PFDN4: variants seen among roughly 807,000 people sequenced by gnomAD.
PFDN4 encodes the protein prefoldin subunit 4, also known as prefoldin 4.
Under a neutral mutation model 17.6 loss-of-function variants are expected in PFDN4, and 6 were observed. The observed-to-expected ratio is 0.34, with a 90% CI of 0.19 to 0.67. The LOEUF (loss-of-function observed/expected upper bound fraction) is 0.67, where lower values mean the gene tolerates loss of function less well. Ranked by LOEUF, PFDN4 falls within the 30% of genes least tolerant of loss-of-function variation. The probability of loss-of-function intolerance (pLI) is 0.68; values close to 1 mark genes in which losing one functional copy is unlikely to be tolerated. For missense variants in PFDN4, 119 were observed against 158.4 expected, an observed-to-expected ratio of 0.75 and a Z score of 1.33; for synonymous variants, 48 against 51.1, an observed-to-expected ratio of 0.94 and a Z score of 0.26.
chr20:54,209,754 T>C (rs1022755189), intron 1 of PFDN4, among the ~76,000 whole-genome samples: 3 of 152,222 alleles, frequency 2.0e-5, no homozygotes, highest in Non-Finnish European at 4.4e-5. Context: ...GCAAAATTTC[T>C]AATTACCAAC....
intron 3 of PFDN4, among the ~76,000 whole-genome samples, chr20:54,217,098 A>G (rs2092763549): frequency 6.6e-6 from 1 of 152,188 alleles, no homozygotes; most frequent in African/African-American, 2.4e-5. Context: ...CATATAGTCT[A>G]GATGGAAAGA....
intron 1 of PFDN4, among the ~76,000 whole-genome samples, chr20:54,212,325 TG>T (rs1236814765): frequency 7.9e-5 from 12 of 152,338 alleles, no homozygotes; most frequent in African/African-American, 2.9e-4. Flanking sequence ...TACTGTCTGC[TG>T]TAAATGGCAC....
At chr20:54,214,324 T>C (rs745957519) in intron 1 of PFDN4, 27 bp from the exon 2 acceptor site, 42 of 1,286,106 alleles carry the variant, frequency 3.3e-5, no homozygotes, top group South Asian at 1.3e-5. Context: ...CGTTAAAATT[T>C]TACAAAAACT....
chr20:54,213,588 T>C (rs1420689513), intron 1 of PFDN4, among the ~76,000 whole-genome samples: 1 of 152,184 alleles, frequency 6.6e-6, no homozygotes, highest in African/African-American at 2.4e-5. Context: ...ATCTGTAAAA[T>C]AGTGCTGGTG....
intron 3 of PFDN4, among the ~76,000 whole-genome samples, 174 bp from the exon 4 acceptor site, chr20:54,218,845 A>G (rs113863280): frequency 1.3e-5 from 2 of 152,380 alleles, no homozygotes; most frequent in African/African-American, 4.8e-5. Flanking sequence ...GATATGGACC[A>G]TGAATTAAAA....
At chr20:54,213,018 CTG>C (rs1055051040) in intron 1 of PFDN4, among the ~76,000 whole-genome samples, 1 of 152,214 alleles carries the variant, frequency 6.6e-6, no homozygotes, top group Admixed American at 6.5e-5. Context: ...AAGGGGAGGA[CTG>C]TGTTATATTC....
rs1418505158 is a variant in PFDN4 at position 54,215,315 on chromosome 20, C to T, written c.148C>T (p.Leu50=). ...IEVKKKQLQN[L]EDACDDIMLA... ...GCATTTATAGAAACAACTCCAAAAC[C>T]TAGAAGATGCTTGTGATGACATCAT... The change falls in exon 3 of 4, where the codon CTA becomes TTA. Residue 50 remains leucine, a synonymous_variant. Coordinates refer to ENST00000371419, the MANE Select transcript of PFDN4 (RefSeq NM_002623.4). 2 of 1,586,662 alleles carry T rather than the reference C, an allele frequency of 1.3e-6. No homozygotes were observed. Among genetic ancestry groups the T allele is most frequent in the Admixed American group, 1.7e-5 (1 of 57,940 alleles).
At chr20:54,215,210 T>C in intron 2 of PFDN4, 90 bp from the exon 3 acceptor site, 1 of 868,172 alleles carries the variant, frequency 1.2e-6, no homozygotes. Context: ...AGAGGGTCCC[T>C]CAGAGAGTTG....
At chr20:54,214,287 A>G in intron 1 of PFDN4, 64 bp from the exon 2 acceptor site, 1 of 816,052 alleles carries the variant, frequency 1.2e-6, no homozygotes, top group East Asian at 2.6e-5. Context: ...TTGTTGAGAA[A>G]TATAAAAAGC....
intron 1 of PFDN4, among the ~76,000 whole-genome samples, chr20:54,211,313 C>T (rs2092755523): frequency 6.6e-6 from 1 of 152,188 alleles, no homozygotes; most frequent in African/African-American, 2.4e-5. Flanking sequence ...GATATTAGTT[C>T]TCAAGAAAAG....
At chr20:54,210,619 A>C (rs1048048610) in intron 1 of PFDN4, among the ~76,000 whole-genome samples, 1 of 152,092 alleles carries the variant, frequency 6.6e-6, no homozygotes, top group Non-Finnish European at 1.5e-5. Context: ...CTGCACTTTG[A>C]TTTCTGTTCA....
chr20:54,218,372 A>C (rs908355381), intron 3 of PFDN4, among the ~76,000 whole-genome samples: 1 of 151,992 alleles, frequency 6.6e-6, no homozygotes, highest in East Asian at 1.9e-4. Flanking sequence ...TAATTGTATA[A>C]ATTTATGGTG....
chr20:54,212,650 G>C (rs753061401), intron 1 of PFDN4, among the ~76,000 whole-genome samples: 9 of 152,260 alleles, frequency 5.9e-5, no homozygotes, highest in Non-Finnish European at 1.2e-4. Context: ...GAATGGCTCT[G>C]TTGAGCCCTC....
At chr20:54,215,239 T>G in intron 2 of PFDN4, 61 bp from the exon 3 acceptor site, 5 of 1,263,798 alleles carry the variant, frequency 4.0e-6, no homozygotes, top group Non-Finnish European at 5.5e-6. Context: ...AAATTACAAT[T>G]GGCCTTTAGC....
At chr20:54,213,978 A>G (rs1375355911) in intron 1 of PFDN4, among the ~76,000 whole-genome samples, 1 of 152,112 alleles carries the variant, frequency 6.6e-6, no homozygotes, top group Non-Finnish European at 1.5e-5. Context: ...ACATTTACCA[A>G]TATATTTGAC....
chr20:54,209,413 G>A (rs1227356207), intron 1 of PFDN4, among the ~76,000 whole-genome samples: 1 of 152,140 alleles, frequency 6.6e-6, no homozygotes, highest in Admixed American at 6.5e-5. Context: ...CCTTTTATAT[G>A]AAATTGAGGG....
chr20:54,216,738 C>T (rs2092763025), intron 3 of PFDN4, among the ~76,000 whole-genome samples: 1 of 152,086 alleles, frequency 6.6e-6, no homozygotes, highest in Non-Finnish European at 1.5e-5. Context: ...CTCACTGCAA[C>T]GTCTGCCTCC....
chr20:54,217,466 AG>A (rs1280928793), intron 3 of PFDN4, among the ~76,000 whole-genome samples: 2 of 152,294 alleles, frequency 1.3e-5, no homozygotes, highest in East Asian at 3.9e-4. Flanking sequence ...TTGTCTTAGC[AG>A]GGGTCAGCAA....
rs1290140557 is a variant in PFDN4, at chr20:54,215,443, A to G, written c.273+3A>G. The G allele has an allele frequency of 1.9e-6, 3 of 1,580,986 alleles. No homozygotes were observed. Among genetic ancestry groups the G allele is most frequent in the Non-Finnish European group, 2.6e-6 (3 of 1,158,568 alleles). Reference sequence around the variant, plus strand: ...AAGAAATGTTAGAAGAAGCAAAGGTATGTTAAAGGTTAATTCTGAAATTAG... The same window carrying G: ...AAGAAATGTTAGAAGAAGCAAAGGTGTGTTAAAGGTTAATTCTGAAATTAG... On this transcript the variant is annotated splice_donor_region_variant and intron_variant, in intron 3 of 3. Coordinates refer to ENST00000371419, the MANE Select transcript of PFDN4 (RefSeq NM_002623.4).
Sources: allele counts gnomAD v4.1 joint callset (sites outside exome capture counted in the v4.1 genomes callset), GRCh38; gene constraint gnomAD v4.1.1; transcripts MANE v1.5; gene names NCBI Gene and HGNC (gene_info 2026-07-23, HGNC 2026-07-21).